PTGR1: variants seen among roughly 807,000 people sequenced by gnomAD.
PTGR1 encodes prostaglandin reductase 1, also known as 15-oxoprostaglandin 13-reductase.
Under a neutral mutation model 37.7 loss-of-function variants are expected in PTGR1, and 23 were observed. That is an observed-to-expected ratio of 0.61 (90% CI 0.44 to 0.86). The LOEUF (loss-of-function observed/expected upper bound fraction) is 0.86, where lower values mean the gene tolerates loss of function less well. PTGR1 is among the 40% of genes least tolerant of loss of function. The pLI, the probability that PTGR1 is intolerant of heterozygous loss-of-function variation, is 0.00. For missense variants in PTGR1, 351 were observed against 394.3 expected (o/e 0.89, Z 0.93); for synonymous variants, 134 against 140.0 (o/e 0.96, Z 0.30).
At chr9:111,598,017 T>C (rs1829836114) in intron 1 of PTGR1, among the ~76,000 whole-genome samples, 1 of 151,942 alleles carries the variant, frequency 6.6e-6, no homozygotes, top group Non-Finnish European at 1.5e-5. Flanking sequence ...TTAAATACTT[T>C]TTTTTCTCTC....
At chr9:111,551,165 A>C (rs1284281201) in intron 9 of PTGR1, among the ~76,000 whole-genome samples, 1 of 152,208 alleles carries the variant, frequency 6.6e-6, no homozygotes, top group African/African-American at 2.4e-5. Flanking sequence ...ATATTATTTC[A>C]TCATGTAATC....
At chr9:111,578,101 A>G (rs1589308075) in intron 7 of PTGR1, among the ~76,000 whole-genome samples, 1 of 152,182 alleles carries the variant, frequency 6.6e-6, no homozygotes, top group South Asian at 2.1e-4. Flanking sequence ...TACATGGTAC[A>G]TGAATGATAT....
At chr9:111,586,863 C>T (rs1244306669) in intron 4 of PTGR1, among the ~76,000 whole-genome samples, 1 of 151,160 alleles carries the variant, frequency 6.6e-6, no homozygotes, top group Non-Finnish European at 1.5e-5. Flanking sequence ...TCTTGTCGCC[C>T]AGGCTGGAGT....
chr9:111,592,636 C>A, intron 4 of PTGR1: 1 of 283,972 alleles, frequency 3.5e-6, no homozygotes. Context: ...GCATTGTGGG[C>A]TGCTGGCCAG....
chr9:111,550,704 C>CT (rs1176678094), intron 9 of PTGR1, among the ~76,000 whole-genome samples: 2 of 152,190 alleles, frequency 1.3e-5, no homozygotes, highest in African/African-American at 2.4e-5. Context: ...ATTTCTTCAA[C>CT]TTTATCTTCC....
At chr9:111,564,275 C>CTTT (rs764719094) in intron 9 of PTGR1, 8 of 692,834 alleles carry the variant, frequency 1.2e-5, no homozygotes, top group Admixed American at 1.1e-4. Flanking sequence ...GAAATTTAAA[C>CTTT]TTTTATTATT....
At chr9:111,553,502 T>C (rs1238610358) in intron 9 of PTGR1, among the ~76,000 whole-genome samples, 1 of 152,204 alleles carries the variant, frequency 6.6e-6, no homozygotes, top group Non-Finnish European at 1.5e-5. Context: ...GCTATCTGCA[T>C]AAAATATCCA....
chr9:111,580,545 C>T (rs766716241), intron 6 of PTGR1, among the ~76,000 whole-genome samples: 16 of 152,026 alleles, frequency 1.1e-4, no homozygotes, highest in Non-Finnish European at 2.4e-4. Context: ...CACCGGAGGT[C>T]GGGAGTTCGA....
intron 9 of PTGR1, chr9:111,564,245 A>G: frequency 9.7e-7 from 1 of 1,030,704 alleles, no homozygotes; most frequent in Non-Finnish European, 1.2e-6. Flanking sequence ...GAAGTCAGTC[A>G]ATTACAAAGT....
rs1174163203 is a variant in PTGR1, at chr9:111,562,660, G to C, written c.*461C>G. 6.5e-6 allele frequency: 1 copy of C among 153,732 alleles called. No homozygotes were observed. The highest frequency in any genetic ancestry group is 1.4e-5 in the Non-Finnish European group (1 of 69,064). 9.5% of individuals were successfully genotyped at this position (153,732 alleles called of 1,614,324 possible). ...GCAGGTTTGTTACATAGGTAAACGT[G>C]TGCCATGATGGTTTGCTTCACCTGT... On this transcript the variant is annotated 3_prime_UTR_variant, in exon 10 of 10. Transcript: ENST00000407693.
intron 9 of PTGR1, among the ~76,000 whole-genome samples, chr9:111,568,157 A>G (rs1589296206): frequency 6.6e-6 from 1 of 152,204 alleles, no homozygotes; most frequent in Non-Finnish European, 1.5e-5. Flanking sequence ...GTTGGGAAAA[A>G]CACAGCCATA....
chr9:111,566,284 A>G (rs909140468), intron 9 of PTGR1, among the ~76,000 whole-genome samples: 4 of 152,200 alleles, frequency 2.6e-5, no homozygotes, highest in African/African-American at 9.7e-5. Context: ...CACTGGGGAC[A>G]CCAGCACAGT....
intron 2 of PTGR1, among the ~76,000 whole-genome samples, chr9:111,596,926 CAAA>C (rs71494900): frequency 6.8e-4 from 62 of 90,644 alleles, no homozygotes; most frequent in African/African-American, 1.9e-3. Flanking sequence ...GACTCTGTCT[CAAA>C]AAAAAAAAAA....
chr9:111,582,091 G>T (rs1829298418), intron 6 of PTGR1, among the ~76,000 whole-genome samples: 1 of 151,898 alleles, frequency 6.6e-6, no homozygotes, highest in African/African-American at 2.4e-5. Context: ...AAAGAACAAA[G>T]AAAATATCAC....
At chr9:111,552,685 A>C (rs1005921232) in intron 9 of PTGR1, among the ~76,000 whole-genome samples, 7 of 152,188 alleles carry the variant, frequency 4.6e-5, no homozygotes, top group African/African-American at 1.7e-4. Context: ...TTTGAGACAG[A>C]ATATACCCAG....
At chr9:111,561,350 A>G (rs890205818), downstream of PTGR1, among the ~76,000 whole-genome samples, 2 of 151,906 alleles carry the variant, frequency 1.3e-5, no homozygotes, top group African/African-American at 4.8e-5. Context: ...GTCACAGGTC[A>G]CTGCAACCTC....
chr9:111,590,140 G>A (rs775090064), intron 4 of PTGR1, among the ~76,000 whole-genome samples: 11 of 151,970 alleles, frequency 7.2e-5, no homozygotes, highest in African/African-American at 1.7e-4. Flanking sequence ...TCAATATAAC[G>A]AATGATAAGA....
chr9:111,550,656 C>T (rs920200179), intron 9 of PTGR1, among the ~76,000 whole-genome samples: 1 of 152,206 alleles, frequency 6.6e-6, no homozygotes. Context: ...TCCTGGGCCA[C>T]TCTATCCATG....
At chr9:111,553,366 T>C (rs969698463) in intron 9 of PTGR1, among the ~76,000 whole-genome samples, 1 of 152,206 alleles carries the variant, frequency 6.6e-6, no homozygotes, top group Non-Finnish European at 1.5e-5. Flanking sequence ...AAAATTTAAA[T>C]ATTTTTTCAT....
Sources: allele counts gnomAD v4.1 joint callset (sites outside exome capture counted in the v4.1 genomes callset), GRCh38; gene constraint gnomAD v4.1.1; transcripts MANE v1.5; gene names NCBI Gene and HGNC (gene_info 2026-07-23, HGNC 2026-07-21).